TMTC2: variants seen among roughly 807,000 people sequenced by gnomAD.
TMTC2 encodes protein O-mannosyl-transferase TMTC2.
In TMTC2, 43 loss-of-function variants were observed where a neutral mutation model predicts 82.4. That is an observed-to-expected ratio of 0.52 (90% CI 0.41 to 0.67). The LOEUF (loss-of-function observed/expected upper bound fraction) is 0.67, where lower values mean the gene tolerates loss of function less well. Among genes scored for constraint, TMTC2 ranks in the 30% least tolerant of loss-of-function variants. The probability of loss-of-function intolerance (pLI) is 0.00; values close to 1 mark genes in which losing one functional copy is unlikely to be tolerated. For missense variants in TMTC2, 919 were observed against 1,012.4 expected, an observed-to-expected ratio of 0.91 and a Z score of 1.25; for synonymous variants, 408 against 381.9, an observed-to-expected ratio of 1.07 and a Z score of -0.80.
chr12:83,075,719 C>T (rs1408970030), intron 11 of TMTC2, among the ~76,000 whole-genome samples: 2 of 152,170 alleles, frequency 1.3e-5, no homozygotes, highest in Non-Finnish European at 1.5e-5. Context: ...ATGTTCATTT[C>T]CCTGACAGCT....
chr12:82,744,299 C>A (rs1024950794), intron 1 of TMTC2, among the ~76,000 whole-genome samples: 1 of 152,066 alleles, frequency 6.6e-6, no homozygotes, highest in Non-Finnish European at 1.5e-5. Context: ...TGGCACATGC[C>A]GTAGTCCCAG....
At chr12:82,743,386 G>T (rs1471945494) in intron 1 of TMTC2, among the ~76,000 whole-genome samples, 1 of 150,950 alleles carries the variant, frequency 6.6e-6, no homozygotes, top group Non-Finnish European at 1.5e-5. Flanking sequence ...GGCAGAGGTT[G>T]CAGTGAGCCA....
chr12:82,988,393 G>A (rs956133987), intron 8 of TMTC2, among the ~76,000 whole-genome samples: 3 of 152,160 alleles, frequency 2.0e-5, no homozygotes, highest in African/African-American at 7.2e-5. Flanking sequence ...TCAGTTAAGG[G>A]ACATAAAATG....
intron 1 of TMTC2, among the ~76,000 whole-genome samples, chr12:82,833,707 T>C (rs1298712566): frequency 6.6e-6 from 1 of 152,198 alleles, no homozygotes; most frequent in Non-Finnish European, 1.5e-5. Context: ...TTAGCTCAGC[T>C]TTAAGAAACT....
Position 83,037,914 on chromosome 12 carries a change from T to C in TMTC2, c.2152+7035T>C, listed in dbSNP as rs181398049. On this transcript the variant is annotated intron_variant, in intron 9 of 11. Coordinates refer to ENST00000321196, the MANE Select transcript of TMTC2 (RefSeq NM_152588.3). ...GGCAAAAAATAAAAGATCAATCTAC[T>C]TGAGAGATGAGAAACTATACAACTA... Among the ~76,000 whole-genome samples, 749 of 152,122 alleles carry C rather than the reference T, an allele frequency of 4.9e-3. 2 individuals carry two copies. Among genetic ancestry groups the C allele is most frequent in the Non-Finnish European group, 8.2e-3 (559 of 68,002 alleles).
chr12:83,125,348 T>C (rs1885071069), intron 11 of TMTC2, among the ~76,000 whole-genome samples: 2 of 152,232 alleles, frequency 1.3e-5, no homozygotes, highest in Non-Finnish European at 2.9e-5. Flanking sequence ...TTTGAGGTAG[T>C]TGGGGCTCTG....
intron 9 of TMTC2, among the ~76,000 whole-genome samples, chr12:83,031,604 G>GA (rs1023643820): frequency 6.6e-6 from 1 of 152,146 alleles, no homozygotes; most frequent in African/African-American, 2.4e-5. Context: ...CCCTTGGGGG[G>GA]AAAATGTGGT....
At chr12:82,886,543 T>C (rs898780584) in intron 2 of TMTC2, among the ~76,000 whole-genome samples, 2 of 152,214 alleles carry the variant, frequency 1.3e-5, no homozygotes, top group African/African-American at 4.8e-5. Context: ...AAATACTGAA[T>C]ATCTTAAGAT....
chr12:82,687,429 C>T lies in TMTC2; in HGVS notation c.-158C>T. 1 of 645,872 alleles carries T rather than the reference C, an allele frequency of 1.5e-6. No individual in the cohort carries two copies. The highest frequency in any genetic ancestry group is 2.6e-6 in the Non-Finnish European group (1 of 380,724). The allele number at this position is 645,872 out of a possible 1,614,324, so 40.0% of individuals were successfully genotyped here. On this transcript the variant is annotated 5_prime_UTR_variant, in exon 1 of 12. Transcript: ENST00000321196. ...CGGGCGCGAGGAGGAGGAGAGGAGT[C>T]GTGGATTGGAAGGACCCGAGGGAGG...
chr12:82,965,353 C>G (rs1414522414), intron 5 of TMTC2, among the ~76,000 whole-genome samples: 1 of 152,162 alleles, frequency 6.6e-6, no homozygotes, highest in East Asian at 1.9e-4. Context: ...TTTGGAATTT[C>G]TTGCTGGCAG....
At chr12:82,926,949 A>G (rs1875752056) in intron 3 of TMTC2, among the ~76,000 whole-genome samples, 1 of 152,212 alleles carries the variant, frequency 6.6e-6, no homozygotes, top group Admixed American at 6.5e-5. Flanking sequence ...GCACCTCGTC[A>G]CCGAAGAACT....
intron 1 of TMTC2, among the ~76,000 whole-genome samples, chr12:82,798,363 G>A (rs1286093909): frequency 6.6e-6 from 1 of 150,816 alleles, no homozygotes; most frequent in East Asian, 2.0e-4. Context: ...CGGGCGTGGT[G>A]GCGGGCGCCT....
intron 1 of TMTC2, among the ~76,000 whole-genome samples, chr12:82,854,550 C>A (rs1457301276): frequency 6.6e-6 from 1 of 152,086 alleles, no homozygotes; most frequent in African/African-American, 2.4e-5. Flanking sequence ...GACAAAAATT[C>A]ATCATATGAT....
intron 1 of TMTC2, among the ~76,000 whole-genome samples, chr12:82,717,890 T>G (rs1412647931): frequency 6.6e-6 from 1 of 152,126 alleles, no homozygotes; most frequent in Admixed American, 6.5e-5. Context: ...TCAGGAAATT[T>G]TATTCCCTGA....
At chr12:82,734,843 G>A (rs965790166) in intron 1 of TMTC2, among the ~76,000 whole-genome samples, 2 of 152,172 alleles carry the variant, frequency 1.3e-5, no homozygotes, top group African/African-American at 4.8e-5. Context: ...TCACTGCACT[G>A]TCAGAAACTC....
intron 11 of TMTC2, among the ~76,000 whole-genome samples, chr12:83,093,893 G>A (rs111517564): frequency 2.2e-4 from 34 of 152,166 alleles, no homozygotes; most frequent in Admixed American, 2.2e-3. Context: ...TGAACCTAGT[G>A]ACAGGGAAAG....
chr12:82,826,932 T>G (rs556324976), intron 1 of TMTC2, among the ~76,000 whole-genome samples: 34 of 152,354 alleles, frequency 2.2e-4, no homozygotes, highest in African/African-American at 8.2e-4. Context: ...ATCATAAATT[T>G]TATGTATCTA....
intron 1 of TMTC2, among the ~76,000 whole-genome samples, chr12:82,735,534 A>G (rs1024827082): frequency 2.6e-5 from 4 of 151,814 alleles, no homozygotes; most frequent in African/African-American, 7.3e-5. Context: ...TTTAGTAGAG[A>G]CGAAGTTTCA....
At chr12:83,043,323 AGT>A (rs1291718043) in intron 9 of TMTC2, among the ~76,000 whole-genome samples, 2 of 152,190 alleles carry the variant, frequency 1.3e-5, no homozygotes, top group Non-Finnish European at 2.9e-5. Context: ...TCTTACCAGG[AGT>A]GTGTTACTAC....
Sources: allele counts gnomAD v4.1 joint callset (sites outside exome capture counted in the v4.1 genomes callset), GRCh38; gene constraint gnomAD v4.1.1; transcripts MANE v1.5; gene names NCBI Gene and HGNC (gene_info 2026-07-23, HGNC 2026-07-21).